The following RFT1 variants were observed in gnomAD, a reference collection of about 807,000 sequenced individuals.
The protein encoded by RFT1 is man(5)GlcNAc(2)-PP-dolichol translocation protein RFT1.
A neutral mutation model predicts 62.2 loss-of-function variants in RFT1; 43 were observed. That is an observed-to-expected ratio of 0.69 (90% CI 0.54 to 0.89). The LOEUF (loss-of-function observed/expected upper bound fraction) is 0.89. Ranked by LOEUF, RFT1 falls within the 40% of genes least tolerant of loss-of-function variation. The probability of loss-of-function intolerance (pLI) is 0.00; values close to 1 mark genes in which losing one functional copy is unlikely to be tolerated. For missense variants in RFT1, 605 were observed against 649.9 expected (o/e 0.93, Z 0.75); for synonymous variants, 262 against 264.6 (o/e 0.99, Z 0.10).
chr3:53,120,113 T>G (rs1701927788), intron 5 of RFT1, 92 bp from the exon 6 acceptor site: 14 of 1,059,578 alleles, frequency 1.3e-5, no homozygotes, highest in Non-Finnish European at 1.7e-5. Flanking sequence ...TAGAACTCTC[T>G]TGATTAACTG....
chr3:53,117,994 A>G (rs1157656367), intron 6 of RFT1, among the ~76,000 whole-genome samples: 2 of 151,668 alleles, frequency 1.3e-5, no homozygotes, highest in Non-Finnish European at 2.9e-5. Context: ...TGCTCAAGCG[A>G]CCCTCCCACC....
At chr3:53,094,633 T>C (rs1701091146) in intron 11 of RFT1, among the ~76,000 whole-genome samples, 1 of 152,084 alleles carries the variant, frequency 6.6e-6, no homozygotes, top group East Asian at 1.9e-4. Flanking sequence ...AGCAGAGATA[T>C]GTAACCTGTT....
At chr3:53,116,004 C>A (rs1229363347) in intron 6 of RFT1, among the ~76,000 whole-genome samples, 3 of 152,214 alleles carry the variant, frequency 2.0e-5, no homozygotes, top group African/African-American at 7.2e-5. Context: ...TAGCATATCT[C>A]TCATATTAAA....
chr3:53,099,351 G>T, intron 11 of RFT1, 30 bp downstream of exon 11: 1 of 1,551,770 alleles, frequency 6.4e-7, no homozygotes, highest in Non-Finnish European at 8.9e-7. Flanking sequence ...TGAAGGCCAT[G>T]ATTAAAGGTG....
At chr3:53,067,767 T>G in the RFT1 span, among the ~76,000 whole-genome samples, 1 of 152,146 alleles carries the variant, frequency 6.6e-6, no homozygotes, top group Non-Finnish European at 1.5e-5. Context: ...CTTCCTTTTT[T>G]CAACTCACCC....
At chr3:53,096,206 C>T (rs553974856) in intron 11 of RFT1, among the ~76,000 whole-genome samples, 1 of 152,334 alleles carries the variant, frequency 6.6e-6, no homozygotes, top group South Asian at 2.1e-4. Flanking sequence ...GAAATCCCAT[C>T]TGTCTTATTC....
intron 4 of RFT1, 114 bp from the exon 5 acceptor site, chr3:53,121,914 A>C: frequency 1.3e-6 from 1 of 787,468 alleles, no homozygotes; most frequent in Non-Finnish European, 2.2e-6. Flanking sequence ...GGGGCAGGGC[A>C]CACAGCTGGA....
At chr3:53,129,295 A>G (rs934368562) in intron 1 of RFT1, among the ~76,000 whole-genome samples, 5 of 152,232 alleles carry the variant, frequency 3.3e-5, no homozygotes, top group Non-Finnish European at 7.3e-5. Flanking sequence ...GTAGTGTGCC[A>G]GGCACTTAAG....
intron 7 of RFT1, among the ~76,000 whole-genome samples, chr3:53,108,341 T>G (rs142116779): frequency 0.015 from 2,266 of 151,154 alleles, 49 homozygotes; most frequent in African/African-American, 0.052. Context: ...TGTGAGCCAC[T>G]GTGCCTGGCC....
At chr3:53,108,887 T>C (rs1188353433) in intron 7 of RFT1, among the ~76,000 whole-genome samples, 1 of 150,746 alleles carries the variant, frequency 6.6e-6, no homozygotes, top group Non-Finnish European at 1.5e-5. Flanking sequence ...CAGGCTGGTC[T>C]CGAATTCCTT....
rs1401793037 is a variant in RFT1, at chr3:53,106,723, G to A, written c.826+96C>T. 3 of 928,460 alleles carry A rather than the reference G, an allele frequency of 3.2e-6. No individual in the cohort carries two copies. The East Asian group carries it at 7.9e-5, about 24-fold the overall frequency. 57.5% of individuals were successfully genotyped at this position (928,460 alleles called of 1,614,324 possible). A position where few individuals can be genotyped will look rare whatever the true frequency, so the allele number is the denominator to read the frequency against. Reference sequence around the variant, plus strand: ...TCTTCAGGATTTTCTTTAATCTTCAGGTTCATCTTTCATTAAATATATCAG... The same window carrying A: ...TCTTCAGGATTTTCTTTAATCTTCAAGTTCATCTTTCATTAAATATATCAG... On this transcript the variant is annotated intron_variant, in intron 8 of 12. Coordinates refer to ENST00000296292, the MANE Select transcript of RFT1 (RefSeq NM_052859.4).
chr3:53,101,577 G>T (rs769019615), intron 10 of RFT1, among the ~76,000 whole-genome samples: 11 of 152,092 alleles, frequency 7.2e-5, no homozygotes, highest in Non-Finnish European at 1.3e-4. Context: ...TGAATTGAGG[G>T]GTGTTTTAAG....
At chr3:53,080,911 C>T in the RFT1 span, among the ~76,000 whole-genome samples, 1 of 152,186 alleles carries the variant, frequency 6.6e-6, no homozygotes, top group Non-Finnish European at 1.5e-5. Context: ...TTTCCCTCCC[C>T]GCCAAACTCC....
At chr3:53,103,831 A>C in intron 10 of RFT1, 122 bp downstream of exon 10, 1 of 1,244,992 alleles carries the variant, frequency 8.0e-7, no homozygotes, top group South Asian at 1.2e-5. Flanking sequence ...AGCCCCTGCC[A>C]CCAGACAGTT....
chr3:53,115,289 C>G (rs1175607519), intron 6 of RFT1, among the ~76,000 whole-genome samples: 1 of 152,142 alleles, frequency 6.6e-6, no homozygotes, highest in African/African-American at 2.4e-5. Flanking sequence ...CCTTGGCTTT[C>G]TCATCTGCAA....
At chr3:53,073,363 C>G in the RFT1 span, among the ~76,000 whole-genome samples, 7 of 152,224 alleles carry the variant, frequency 4.6e-5, no homozygotes, top group African/African-American at 1.4e-4. Flanking sequence ...TGGACACCCC[C>G]ACCTGTGCCG....
intron 6 of RFT1, among the ~76,000 whole-genome samples, chr3:53,114,365 G>A (rs1701735852): frequency 6.6e-6 from 1 of 152,150 alleles, no homozygotes; most frequent in Non-Finnish European, 1.5e-5. Flanking sequence ...AAAGTTCTTT[G>A]GGAGAATGAG....
chr3:53,111,270 G>A (rs2107133939), intron 7 of RFT1, among the ~76,000 whole-genome samples: 1 of 152,182 alleles, frequency 6.6e-6, no homozygotes, highest in East Asian at 1.9e-4. Context: ...GCTGGGTGTG[G>A]TGGTGGGCAC....
chr3:53,081,729 A>G, the RFT1 span, among the ~76,000 whole-genome samples: 1 of 151,898 alleles, frequency 6.6e-6, no homozygotes, highest in Non-Finnish European at 1.5e-5. Flanking sequence ...GATATACAAA[A>G]CCTTTTCTTT....
Sources: allele counts gnomAD v4.1 joint callset (sites outside exome capture counted in the v4.1 genomes callset), GRCh38; gene constraint gnomAD v4.1.1; transcripts MANE v1.5; gene names NCBI Gene and HGNC (gene_info 2026-07-23, HGNC 2026-07-21).